Variants in DACH1 observed in about 807,000 individuals in gnomAD.
DACH1 encodes the protein dachshund family transcription factor 1, also known as dachshund homolog 1.
DACH1 carries 12 observed loss-of-function variants against 54.2 expected under a neutral mutation model. The ratio of observed to expected loss-of-function variants is 0.22; its 90% CI spans 0.14 to 0.36. The LOEUF (loss-of-function observed/expected upper bound fraction) is 0.36. DACH1 is among the 10% of genes least tolerant of loss of function. The pLI is 1.00. For missense variants in DACH1, 805 were observed against 929.8 expected (o/e 0.87, Z 1.75); for synonymous variants, 386 against 366.2 (o/e 1.05, Z -0.62).
chr13:71,518,543 A>T (rs1156507456), intron 6 of DACH1, among the ~76,000 whole-genome samples: 2 of 151,882 alleles, frequency 1.3e-5, no homozygotes, highest in Non-Finnish European at 2.9e-5. Context: ...CTTTTATAGC[A>T]ATTCCATTAG....
intron 1 of DACH1, among the ~76,000 whole-genome samples, chr13:71,798,366 A>G (rs2138116169): frequency 7.9e-6 from 1 of 126,168 alleles, no homozygotes; most frequent in African/African-American, 2.9e-5. Flanking sequence ...ATATATATCC[A>G]TTACCTATAA....
intron 6 of DACH1, among the ~76,000 whole-genome samples, chr13:71,534,991 C>T (rs1411955843): frequency 5.3e-5 from 8 of 151,754 alleles, no homozygotes; most frequent in African/African-American, 1.7e-4. Context: ...GCTAAAAGCA[C>T]GTGGAAAAAG....
rs144385456 is a variant in DACH1 at position 71,743,940 on chromosome 13, C to T, written c.849-62030G>A. The stretch of plus-strand genomic sequence containing the variant: ...TTTTCAGGTTGATAAAAGCCCCCAA[C>T]CCTGGAAAGTAAAAACGAAAATATA... On this transcript the variant is annotated intron_variant, in intron 1 of 10. Coordinates refer to ENST00000613252, the MANE Select transcript of DACH1 (RefSeq NM_080759.6). Among the ~76,000 whole-genome samples, 33 of 152,168 alleles carry T rather than the reference C, an allele frequency of 2.2e-4. No homozygotes were observed. In the East Asian group the frequency reaches 6.4e-3, roughly 29 times the overall value.
intron 1 of DACH1, among the ~76,000 whole-genome samples, chr13:71,762,966 C>T (rs977887216): frequency 5.9e-5 from 9 of 152,152 alleles, no homozygotes; most frequent in Admixed American, 5.9e-4. Context: ...AAACGGCTTG[C>T]ACCACAGATA....
chr13:71,589,559 T>C (rs937552151), intron 3 of DACH1, among the ~76,000 whole-genome samples: 1 of 151,956 alleles, frequency 6.6e-6, no homozygotes, highest in African/African-American at 2.4e-5. Context: ...AGTCAGTATC[T>C]TACTCTAGGA....
chr13:71,592,713 T>C (rs1280144737), intron 3 of DACH1, among the ~76,000 whole-genome samples: 2 of 152,024 alleles, frequency 1.3e-5, no homozygotes, highest in African/African-American at 4.8e-5. Flanking sequence ...TTGAAACTGA[T>C]ATTAAAATTG....
At chr13:71,517,281 A>T (rs1457619191) in intron 6 of DACH1, among the ~76,000 whole-genome samples, 1 of 151,848 alleles carries the variant, frequency 6.6e-6, no homozygotes, top group Non-Finnish European at 1.5e-5. Context: ...TATGGCTTCC[A>T]CTAGGTTCTT....
chr13:71,579,527 A>T (rs1885734976), intron 3 of DACH1, among the ~76,000 whole-genome samples: 1 of 152,174 alleles, frequency 6.6e-6, no homozygotes, highest in African/African-American at 2.4e-5. Context: ...TACTAAAAAC[A>T]ATGGCTTCTT....
chr13:71,571,206 G>A (rs2065341), intron 4 of DACH1, among the ~76,000 whole-genome samples: 64,544 of 151,886 alleles, frequency 0.42, 17,743 homozygotes, highest in Non-Finnish European at 0.6. Flanking sequence ...TAGTAATCAC[G>A]ACCAGATTTT....
At chr13:71,717,823 G>A (rs994533601) in intron 1 of DACH1, among the ~76,000 whole-genome samples, 1 of 151,794 alleles carries the variant, frequency 6.6e-6, no homozygotes, top group East Asian at 1.9e-4. Context: ...CAGATCTTTA[G>A]ATCTAACATC....
At chr13:71,459,707 T>G (rs1875905092) in intron 10 of DACH1, among the ~76,000 whole-genome samples, 1 of 151,866 alleles carries the variant, frequency 6.6e-6, no homozygotes, top group Non-Finnish European at 1.5e-5. Flanking sequence ...CTAACTCATT[T>G]TATTCAGAAA....
Position 71,738,655 on chromosome 13 carries a change from C to T in DACH1, c.849-56745G>A, listed in dbSNP as rs556510062. Among the ~76,000 whole-genome samples the T allele has an allele frequency of 7.9e-5, 10 of 126,076 alleles. No individual in the cohort carries two copies. The East Asian group carries it at 1.5e-3, about 20-fold the overall frequency. The allele number at this position is 126,076 out of a possible 152,430, so 82.7% of individuals were successfully genotyped here. A position where few individuals can be genotyped will look rare whatever the true frequency, so the allele number is the denominator to read the frequency against. On this transcript the variant is annotated intron_variant, in intron 1 of 10. Transcript: ENST00000613252. ...GCTGAGGCAGGAGAGTTGCTTGAAC[C>T]GGGGAGGCAGAGGTTGCAATGAGCC...
intron 1 of DACH1, among the ~76,000 whole-genome samples, chr13:71,857,178 A>G (rs973039295): frequency 6.6e-6 from 1 of 151,842 alleles, no homozygotes; most frequent in African/African-American, 2.4e-5. Flanking sequence ...TTTAAAGTAC[A>G]TTATCATAAA....
chr13:71,637,758 C>A (rs1877589129), intron 2 of DACH1, among the ~76,000 whole-genome samples: 1 of 152,092 alleles, frequency 6.6e-6, no homozygotes, highest in Non-Finnish European at 1.5e-5. Context: ...ATCCTGATTA[C>A]TCTCTTTAAA....
chr13:71,706,175 G>C (rs1882431533), intron 1 of DACH1, among the ~76,000 whole-genome samples: 1 of 151,842 alleles, frequency 6.6e-6, no homozygotes, highest in Non-Finnish European at 1.5e-5. Flanking sequence ...GAGTTTTTAA[G>C]TGGCATTTTA....
At position 71,840,487 on chromosome 13, in the gene DACH1, C is replaced by T. The variant is rs371339704; in HGVS notation, c.848+25435G>A. On this transcript the variant is annotated intron_variant, in intron 1 of 10. Coordinates refer to ENST00000613252, the MANE Select transcript of DACH1 (RefSeq NM_080759.6). Reference sequence around the variant, plus strand: ...TTCCTATATTTCAAGAGCAATCTCACAACCCCGATTAATAGATATATCCTA... The same window carrying T: ...TTCCTATATTTCAAGAGCAATCTCATAACCCCGATTAATAGATATATCCTA... Among the ~76,000 whole-genome samples, 13 of 152,240 alleles carry T rather than the reference C, an allele frequency of 8.5e-5. No homozygotes were observed. The East Asian group carries it at 2.3e-3, about 27-fold the overall frequency.
chr13:71,736,425 T>G (rs928874420), intron 1 of DACH1, among the ~76,000 whole-genome samples: 1 of 151,950 alleles, frequency 6.6e-6, no homozygotes, highest in African/African-American at 2.4e-5. Flanking sequence ...AGACACCTGA[T>G]AAAGCATAGT....
intron 1 of DACH1, among the ~76,000 whole-genome samples, chr13:71,797,374 C>T (rs1376888534): frequency 6.6e-6 from 1 of 152,080 alleles, no homozygotes; most frequent in Non-Finnish European, 1.5e-5. Context: ...CCCAATAAAA[C>T]TTAAAACAGC....
chr13:71,481,695 A>T (rs543507505), intron 7 of DACH1, among the ~76,000 whole-genome samples: 24 of 152,354 alleles, frequency 1.6e-4, no homozygotes, highest in African/African-American at 5.3e-4. Context: ...ACTGATGCAT[A>T]TGCAAAAGTA....
Sources: gnomAD v4.1 joint callset for allele counts (sites outside exome capture counted in the v4.1 genomes callset) on GRCh38, gnomAD v4.1.1 for gene constraint, MANE v1.5 for transcripts, NCBI Gene and HGNC (gene_info 2026-07-23, HGNC 2026-07-21) for gene names.